The following CSMD1 variants were observed in gnomAD, a reference collection of about 807,000 sequenced individuals.
CSMD1 encodes CUB and sushi domain-containing protein 1.
CSMD1 carries 213 observed loss-of-function variants against 417.5 expected under a neutral mutation model. The ratio of observed to expected loss-of-function variants is 0.51; its 90% confidence interval spans 0.46 to 0.57. The LOEUF is 0.57. Ranked by LOEUF, CSMD1 falls within the 20% of genes least tolerant of loss-of-function variation. The pLI is 0.00. For missense variants in CSMD1, 6,923 were observed against 4,529.7 expected (o/e 1.53, Z -15.17); for synonymous variants, 2,862 against 1,736.8 (o/e 1.65, Z -16.11).
intron 23 of CSMD1, among the ~76,000 whole-genome samples, chr8:3,320,191 G>C (rs972529709): frequency 6.6e-6 from 1 of 152,174 alleles, no homozygotes; most frequent in African/African-American, 2.4e-5. Context: ...GATTATAAGA[G>C]TCCAACTAAG....
chr8:3,307,585 T>G, intron 25 of CSMD1, 110 bp downstream of exon 25: 1 of 1,263,362 alleles, frequency 7.9e-7, no homozygotes, highest in African/African-American at 1.5e-5. Context: ...CCTTTTCTTC[T>G]TTAGTTCAGA....
At chr8:3,360,433 T>G (rs1474332372) in intron 20 of CSMD1, among the ~76,000 whole-genome samples, 1 of 152,218 alleles carries the variant, frequency 6.6e-6, no homozygotes, top group East Asian at 1.9e-4. Flanking sequence ...GTCCATGGTT[T>G]TGACAGTGGG....
intron 2 of CSMD1, among the ~76,000 whole-genome samples, chr8:4,426,729 C>T (rs929900605): frequency 8.1e-4 from 118 of 146,182 alleles, no homozygotes; most frequent in African/African-American, 2.7e-3. Flanking sequence ...TTACTATATA[C>T]ATTTATTATA....
chr8:4,819,635 CCAT>C (rs1563489183), intron 1 of CSMD1, among the ~76,000 whole-genome samples: 1 of 152,174 alleles, frequency 6.6e-6, no homozygotes, highest in Non-Finnish European at 1.5e-5. Flanking sequence ...ATCAAATACT[CCAT>C]CAACAAATAT....
intron 1 of CSMD1, among the ~76,000 whole-genome samples, chr8:4,979,864 C>T (rs758624527): frequency 6.6e-6 from 1 of 150,790 alleles, no homozygotes; most frequent in African/African-American, 2.5e-5. Flanking sequence ...ATTGAAACCC[C>T]ATCTCTACTA....
chr8:4,619,598 AT>A (rs1801657077), intron 2 of CSMD1, among the ~76,000 whole-genome samples: 1 of 152,006 alleles, frequency 6.6e-6, no homozygotes, highest in Non-Finnish European at 1.5e-5. Flanking sequence ...ATCCAGTTAT[AT>A]TTTCCACTCT....
intron 19 of CSMD1, among the ~76,000 whole-genome samples, chr8:3,368,304 A>T (rs1032605958): frequency 6.6e-6 from 1 of 152,166 alleles, no homozygotes; most frequent in Admixed American, 6.5e-5. Context: ...AAGTCTACAT[A>T]ATACTTATGT....
intron 4 of CSMD1, among the ~76,000 whole-genome samples, chr8:4,024,967 T>C (rs969896335): frequency 1.2e-4 from 18 of 152,340 alleles, no homozygotes; most frequent in Middle Eastern, 3.4e-3. Context: ...TGAAGTACGA[T>C]TGGCCTGGGC....
intron 4 of CSMD1, among the ~76,000 whole-genome samples, chr8:4,021,220 A>C (rs1796773592): frequency 6.6e-6 from 1 of 152,246 alleles, no homozygotes; most frequent in Non-Finnish European, 1.5e-5. Context: ...AGATTTTGAA[A>C]CTAGCATCTT....
At chr8:4,387,903 A>T (rs547610958) in intron 3 of CSMD1, among the ~76,000 whole-genome samples, 1 of 152,262 alleles carries the variant, frequency 6.6e-6, no homozygotes, top group South Asian at 2.1e-4. Context: ...CCAAGATTAT[A>T]TAAAGAAAAA....
intron 20 of CSMD1, among the ~76,000 whole-genome samples, chr8:3,362,615 T>C (rs890789210): frequency 2.0e-5 from 3 of 152,156 alleles, no homozygotes; most frequent in African/African-American, 4.8e-5. Flanking sequence ...TATGATCCTG[T>C]TATATGAACT....
chr8:3,425,596 A>AG, intron 12 of CSMD1, among the ~76,000 whole-genome samples: 1 of 151,456 alleles, frequency 6.6e-6, no homozygotes, highest in Non-Finnish European at 1.5e-5. Context: ...TCAAAAAAAA[A>AG]AAAAAAAAGA....
At chr8:4,220,783 T>C (rs1360279748) in intron 3 of CSMD1, among the ~76,000 whole-genome samples, 1 of 152,062 alleles carries the variant, frequency 6.6e-6, no homozygotes, top group East Asian at 1.9e-4. Flanking sequence ...ACCCAAGAAA[T>C]CCTTATAACG....
rs551043695 is a variant in CSMD1 at position 3,669,015 on chromosome 8, C to G, written c.1009+39399G>C. Among the ~76,000 whole-genome samples the G allele has an allele frequency of 1.1e-4, 16 of 152,242 alleles. No individual in the cohort carries two copies. In the East Asian group the frequency reaches 1.6e-3, roughly 15 times the overall value. ...CTTTCACTGGAAATCTTTCATTAAACAGACGTTATACCTTTAGAGTTTACC... is the reference window on the plus strand; with the variant it reads ...CTTTCACTGGAAATCTTTCATTAAAGAGACGTTATACCTTTAGAGTTTACC... On this transcript the variant is annotated intron_variant, in intron 7 of 69. Transcript: ENST00000635120.
chr8:3,754,095 G>A (rs747377603), intron 5 of CSMD1, 53 bp from the exon 6 acceptor site: 20 of 1,199,152 alleles, frequency 1.7e-5, no homozygotes, highest in African/African-American at 3.0e-5. Flanking sequence ...CAGAGCAAAT[G>A]TCCTATATCA....
intron 3 of CSMD1, among the ~76,000 whole-genome samples, chr8:4,156,090 T>A (rs1378742028): frequency 1.3e-5 from 2 of 152,162 alleles, no homozygotes; most frequent in Admixed American, 1.3e-4. Context: ...TGGCTGGAGT[T>A]ATCAGAGCAT....
At chr8:4,163,447 T>G (rs1253772845) in intron 3 of CSMD1, among the ~76,000 whole-genome samples, 1 of 152,206 alleles carries the variant, frequency 6.6e-6, no homozygotes, top group African/African-American at 2.4e-5. Context: ...TGTTTTTACG[T>G]TTGTATTTTA....
rs182200788 is a variant in CSMD1, at chr8:4,787,356, A to G, written c.86-149798T>C. Reference sequence around the variant, plus strand: ...AATGGCGACAGCTGAGGTACTGAACACTGGTAAAAAATTGTATGAGGGTAA... The same window carrying G: ...AATGGCGACAGCTGAGGTACTGAACGCTGGTAAAAAATTGTATGAGGGTAA... On this transcript the variant is annotated intron_variant, in intron 1 of 69. Coordinates refer to ENST00000635120, the MANE Select transcript of CSMD1 (RefSeq NM_033225.6). The G allele has an allele frequency of 7.5e-5, 55 of 732,236 alleles. No homozygotes were observed. In the East Asian group the frequency reaches 7.7e-4, roughly 10 times the overall value. 45.4% of individuals were successfully genotyped at this position (732,236 alleles called of 1,614,324 possible). A position where few individuals can be genotyped will look rare whatever the true frequency, so the allele number is the denominator to read the frequency against.
intron 5 of CSMD1, among the ~76,000 whole-genome samples, chr8:3,862,561 G>A (rs1423758705): frequency 7.9e-5 from 12 of 152,140 alleles, no homozygotes; most frequent in Admixed American, 7.2e-4. Flanking sequence ...TTCAGCACCT[G>A]TAATTATGGT....
Sources: allele counts gnomAD v4.1 joint callset (sites outside exome capture counted in the v4.1 genomes callset), GRCh38; gene constraint gnomAD v4.1.1; transcripts MANE v1.5; gene names NCBI Gene and HGNC (gene_info 2026-07-23, HGNC 2026-07-21).